Variants in DFFA observed in about 807,000 individuals in gnomAD.
The protein encoded by DFFA is DFF45.
Under a neutral mutation model 28.0 loss-of-function variants are expected in DFFA, and 14 were observed. The ratio of observed to expected loss-of-function variants is 0.50; its 90% CI spans 0.33 to 0.78. DFFA has a LOEUF of 0.78. Among genes scored for constraint, DFFA ranks in the 30% least tolerant of loss-of-function variants. The pLI is 0.02. For missense variants in DFFA, 395 were observed against 407.1 expected (o/e 0.97, Z 0.26); for synonymous variants, 158 against 170.3 (o/e 0.93, Z 0.56).
At chr1:10,470,730 G>T (rs11799743) in intron 1 of DFFA, among the ~76,000 whole-genome samples, 148,943 of 148,944 alleles carry the variant, frequency 1, 74,471 homozygotes, top group Non-Finnish European at 1. Context: ...CGGCCCTCAG[G>T]TGTCCTCTTA....
At chr1:10,462,534 C>G in intron 5 of DFFA, 1 of 990,094 alleles carries the variant, frequency 1.0e-6, no homozygotes, top group East Asian at 1.1e-4. Context: ...TAGCCAAGCT[C>G]AAGTCAACAG....
chr1:10,463,677 T>A (rs1374459341), intron 3 of DFFA, 57 bp from the exon 4 acceptor site: 1 of 1,536,032 alleles, frequency 6.5e-7, no homozygotes, highest in Non-Finnish European at 8.7e-7. Flanking sequence ...CTTTCTTTTT[T>A]TTTTTTGAGA....
At chr1:10,463,856 G>C (rs1466921726) in intron 3 of DFFA, among the ~76,000 whole-genome samples, 1 of 151,866 alleles carries the variant, frequency 6.6e-6, no homozygotes, top group Non-Finnish European at 1.5e-5. Flanking sequence ...GTAGAGACGG[G>C]GTTTTGTCAT....
In DFFA at chr1:10,461,644, T is replaced by A. The variant is rs761386584; in HGVS notation, c.842A>T (p.Lys281Met). The A allele has an allele frequency of 2.5e-6, 4 of 1,614,224 alleles. No homozygotes were observed. The Admixed American group carries it at 5.0e-5, about 20-fold the overall frequency. ...ACAGGCCTCCTGAACAGTCTCCGTC[T>A]TCTTTATGTCCCAGTTCAAGGCAAC... ...LAVALNWDIK[K>M]TETVQEACER... Residue 281 changes from lysine (K) to methionine (M), a missense_variant, in exon 6 of 6, where the codon AAG (lysine) becomes ATG (methionine). Transcript: ENST00000377038.
chr1:10,469,060 T>C, intron 2 of DFFA, 117 bp downstream of exon 2: 1 of 1,118,240 alleles, frequency 8.9e-7, no homozygotes, highest in Non-Finnish European at 1.3e-6. Flanking sequence ...GCTCAGTAAA[T>C]ATCTGTTGAA....
chr1:10,464,934 G>A lies in DFFA; in HGVS notation c.442-1314C>T, dbSNP rs527547174. Among the ~76,000 whole-genome samples, 269 of 152,206 alleles carry A rather than the reference G, an allele frequency of 1.8e-3. 3 individuals are homozygous for A. Among genetic ancestry groups the A allele is most frequent in the Non-Finnish European group, 2.9e-3 (199 of 68,006 alleles). ...CTGCACACCCAGTGCATAGAACCAT[G>A]ACAGGCACAGGATGGGGCTCAATAA... On this transcript the variant is annotated intron_variant, in intron 3 of 5. Transcript: ENST00000377038.
Position 10,463,187 on chromosome 1 carries a change from C to G in DFFA, c.654G>C (p.Glu218Asp). Residue 218 changes from glutamate to aspartate, a missense_variant, in exon 5 of 6, where the codon GAG becomes GAC. Coordinates refer to ENST00000377038, the MANE Select transcript of DFFA (RefSeq NM_004401.3). The part of the protein sequence containing the change: ...KQEESKAAFG[E>D]EVDAVDTGIS... ...TACCCGTGTCTACTGCATCCACCTC[C>G]TCACCAAAGGCAGCTTTGGACTCTG... 6.2e-7 allele frequency: 1 copy of G among 1,614,174 alleles called. No homozygotes were observed. Among genetic ancestry groups the G allele is most frequent in the Non-Finnish European group, 8.5e-7 (1 of 1,180,014 alleles).
intron 5 of DFFA, among the ~76,000 whole-genome samples, chr1:10,462,124 C>T (rs1400014753): frequency 6.6e-6 from 1 of 152,118 alleles, no homozygotes; most frequent in East Asian, 1.9e-4. Context: ...TCCCAAAGTG[C>T]TGGGATTACA....
chr1:10,471,062 C>A (rs1373326922), intron 1 of DFFA, among the ~76,000 whole-genome samples: 1,108 of 96,138 alleles, frequency 0.012, no homozygotes, highest in South Asian at 0.014. Context: ...CACTCCGTCT[C>A]AAAAAAAAAA....
chr1:10,463,348 C>G, intron 4 of DFFA, 83 bp downstream of exon 4: 1 of 1,550,196 alleles, frequency 6.5e-7, no homozygotes, highest in Non-Finnish European at 8.7e-7. Flanking sequence ...GTGGCCCTGG[C>G]TACATCACAA....
intron 5 of DFFA, chr1:10,462,442 C>T: frequency 3.0e-6 from 3 of 987,700 alleles, no homozygotes; most frequent in Non-Finnish European, 3.6e-6. Context: ...CAAGCATGGG[C>T]CTTTTCTTAC....
At chr1:10,470,133 G>T (rs1641076205) in intron 1 of DFFA, among the ~76,000 whole-genome samples, 1 of 152,014 alleles carries the variant, frequency 6.6e-6, no homozygotes. Context: ...TTCATATACA[G>T]TATTTAATCT....
chr1:10,472,445 C>T lies in DFFA; in HGVS notation c.14G>A (p.Gly5Glu). The change falls in exon 1 of 6, where the codon GGG becomes GAG. Residue 5 changes from glycine (G) to glutamate (E), a missense_variant. By Grantham distance (98) the Gly-to-Glu change is moderately conservative. Coordinates refer to ENST00000377038, the MANE Select transcript of DFFA (RefSeq NM_004401.3). This position sits in a 1 kb window ranked among gnomAD's most constrained non-coding sequence, Gnocchi z 5.0. ...GCCAGATTCTGGTACCCCGGCGTCC[C>T]CGGTCACCTCCATCCTCCACAAGGT... MEVT[G>E]DAGVPESGEI... 1.9e-6 allele frequency: 3 copies of T among 1,611,184 alleles called. No individual in the cohort carries two copies. The highest frequency in any genetic ancestry group is 1.1e-5 in the South Asian group (1 of 90,674).
intron 3 of DFFA, among the ~76,000 whole-genome samples, chr1:10,465,211 C>T (rs1338204892): frequency 6.6e-6 from 1 of 152,220 alleles, no homozygotes; most frequent in Non-Finnish European, 1.5e-5. Context: ...TCTCCTGCCT[C>T]AGCATCCTGA....
intron 3 of DFFA, among the ~76,000 whole-genome samples, chr1:10,466,247 G>A (rs1024022804): frequency 2.0e-5 from 3 of 151,980 alleles, no homozygotes; most frequent in Admixed American, 1.3e-4. Flanking sequence ...GCAGTGGTGC[G>A]ATCTCGGCTC....
At chr1:10,466,953 A>C (rs1443458668) in intron 3 of DFFA, among the ~76,000 whole-genome samples, 1 of 93,220 alleles carries the variant, frequency 1.1e-5, no homozygotes, top group Non-Finnish European at 1.9e-5. Flanking sequence ...ACTGTGTCTC[A>C]AAAAAAAAAA....
At chr1:10,471,046 G>C (rs1335925018) in intron 1 of DFFA, among the ~76,000 whole-genome samples, 2 of 128,724 alleles carry the variant, frequency 1.6e-5, no homozygotes, top group East Asian at 4.7e-4. Context: ...CTGGGTGACA[G>C]AGTGACACTC....
intron 1 of DFFA, among the ~76,000 whole-genome samples, chr1:10,471,434 C>T (rs1419682503): frequency 6.6e-6 from 1 of 152,156 alleles, no homozygotes; most frequent in Non-Finnish European, 1.5e-5. Flanking sequence ...GTAAAGTAAT[C>T]TAATGTCAGG....
intron 5 of DFFA, chr1:10,462,385 G>A: frequency 1.0e-6 from 1 of 978,868 alleles, no homozygotes. Context: ...ACCTGCCTCG[G>A]CCTCCCAAAG....
Sources: gnomAD v4.1 joint callset for allele counts (sites outside exome capture counted in the v4.1 genomes callset) on GRCh38, gnomAD v4.1.1 for gene constraint, Gnocchi (gnomAD v3.1) non-coding constraint, MANE v1.5 for transcripts, NCBI Gene and HGNC (gene_info 2026-07-23, HGNC 2026-07-21) for gene names.